DLG2: variants seen among roughly 807,000 people sequenced by gnomAD.
DLG2 encodes the protein discs large MAGUK scaffold protein 2, also known as disks large homolog 2.
Under a neutral mutation model 132.5 loss-of-function variants are expected in DLG2, and 45 were observed. That is an observed-to-expected ratio of 0.34 (90% CI 0.27 to 0.44). The LOEUF is 0.44. Among genes scored for constraint, DLG2 ranks in the 20% least tolerant of loss-of-function variants. DLG2 has a pLI of 1.00. For missense variants in DLG2, 1,045 were observed against 1,196.9 expected (o/e 0.87, Z 1.87); for synonymous variants, 424 against 419.6 (o/e 1.01, Z -0.13).
intron 6 of DLG2, among the ~76,000 whole-genome samples, chr11:84,832,960 G>T (rs2079230372): frequency 6.6e-6 from 1 of 151,542 alleles, no homozygotes; most frequent in Non-Finnish European, 1.5e-5. Flanking sequence ...ACCTAAAGAT[G>T]AAGAACGAGA....
intron 3 of DLG2, among the ~76,000 whole-genome samples, chr11:85,540,011 C>T (rs1308267203): frequency 6.6e-6 from 1 of 152,170 alleles, no homozygotes; most frequent in Non-Finnish European, 1.5e-5. Flanking sequence ...GCTGAGAAGT[C>T]CCTGACCATG....
intron 6 of DLG2, among the ~76,000 whole-genome samples, chr11:84,657,474 C>G (rs1350679705): frequency 3.9e-5 from 6 of 152,122 alleles, no homozygotes; most frequent in African/African-American, 7.2e-5. Flanking sequence ...AGTCCTCAAC[C>G]CTTTTGACAC....
intron 15 of DLG2, among the ~76,000 whole-genome samples, chr11:83,876,423 A>C (rs994457949): frequency 1.3e-5 from 2 of 152,168 alleles, no homozygotes; most frequent in Non-Finnish European, 2.9e-5. Flanking sequence ...ATATCAAATT[A>C]AAATATATTT....
intron 6 of DLG2, among the ~76,000 whole-genome samples, chr11:84,804,659 A>C (rs1377940922): frequency 6.6e-6 from 1 of 152,176 alleles, no homozygotes; most frequent in African/African-American, 2.4e-5. Flanking sequence ...GCCCTAACTA[A>C]AGCCTGTCTT....
chr11:84,176,838 G>A (rs1437820489), intron 8 of DLG2, among the ~76,000 whole-genome samples: 1 of 152,028 alleles, frequency 6.6e-6, no homozygotes, highest in Non-Finnish European at 1.5e-5. Context: ...TCATGCTCAA[G>A]CATAGCTCAC....
intron 21 of DLG2, among the ~76,000 whole-genome samples, chr11:83,484,851 G>T (rs2093402404): frequency 1.3e-5 from 2 of 152,120 alleles, no homozygotes; most frequent in Admixed American, 1.3e-4. Flanking sequence ...ACTGACACAT[G>T]AATATATAAT....
At chr11:84,757,669 T>G (rs2067066506) in intron 6 of DLG2, among the ~76,000 whole-genome samples, 1 of 152,200 alleles carries the variant, frequency 6.6e-6, no homozygotes, top group African/African-American at 2.4e-5. Context: ...TTATCTCATT[T>G]AATCCCTTAC....
At chr11:85,448,795 C>A (rs1306018676) in intron 3 of DLG2, among the ~76,000 whole-genome samples, 1 of 152,140 alleles carries the variant, frequency 6.6e-6, no homozygotes, top group Admixed American at 6.5e-5. Flanking sequence ...ATTGCCACAT[C>A]CACATCTAAA....
chr11:83,526,464 A>T (rs2140831328), intron 21 of DLG2, among the ~76,000 whole-genome samples: 1 of 152,240 alleles, frequency 6.6e-6, no homozygotes, highest in Middle Eastern at 3.4e-3. Context: ...AGTATGTTTA[A>T]GGTAGACATC....
At chr11:85,387,445 C>G (rs1200329122) in intron 3 of DLG2, among the ~76,000 whole-genome samples, 3 of 152,136 alleles carry the variant, frequency 2.0e-5, no homozygotes, top group African/African-American at 7.2e-5. Context: ...TAAATACAAG[C>G]CTTACTAGTG....
chr11:85,536,699 A>G (rs1385516379), intron 3 of DLG2, among the ~76,000 whole-genome samples: 1 of 152,210 alleles, frequency 6.6e-6, no homozygotes, highest in Non-Finnish European at 1.5e-5. Flanking sequence ...CAGGCTTGGC[A>G]AGCCCCGCAC....
At chr11:84,959,220 T>C (rs1374283739) in intron 6 of DLG2, among the ~76,000 whole-genome samples, 1 of 152,196 alleles carries the variant, frequency 6.6e-6, no homozygotes, top group African/African-American at 2.4e-5. Context: ...TCACACGGAA[T>C]CTTAATGGTG....
chr11:84,741,313 C>G (rs952035774), intron 6 of DLG2, among the ~76,000 whole-genome samples: 1 of 152,010 alleles, frequency 6.6e-6, no homozygotes, highest in Non-Finnish European at 1.5e-5. Flanking sequence ...CTCGGCCTCC[C>G]AAAGTGCTGG....
intron 7 of DLG2, chr11:84,273,300 G>A (rs770302598): frequency 1.4e-4 from 46 of 333,214 alleles, no homozygotes; most frequent in South Asian, 4.7e-4. Context: ...GAACCCAGTT[G>A]AAGAGGAAAA....
At chr11:85,404,100 T>C (rs2088480747) in intron 3 of DLG2, among the ~76,000 whole-genome samples, 1 of 152,022 alleles carries the variant, frequency 6.6e-6, no homozygotes, top group African/African-American at 2.4e-5. Context: ...AGAGTAGCTC[T>C]GGAGACCCTA....
intron 6 of DLG2, among the ~76,000 whole-genome samples, chr11:84,723,570 T>C (rs1474859377): frequency 6.6e-6 from 1 of 152,148 alleles, no homozygotes; most frequent in Non-Finnish European, 1.5e-5. Flanking sequence ...TCCATGACAA[T>C]GCATTCCATA....
intron 6 of DLG2, among the ~76,000 whole-genome samples, chr11:84,669,316 G>A (rs1346929201): frequency 6.6e-6 from 1 of 152,120 alleles, no homozygotes; most frequent in East Asian, 1.9e-4. Flanking sequence ...AAGGATGGAA[G>A]TGTCCAGATA....
intron 2 of DLG2, among the ~76,000 whole-genome samples, chr11:85,623,592 C>T (rs1243289178): frequency 3.3e-5 from 5 of 152,098 alleles, no homozygotes; most frequent in South Asian, 2.1e-4. Context: ...CGTGAGCCAC[C>T]GCGCCTGGCA....
intron 4 of DLG2, among the ~76,000 whole-genome samples, chr11:85,217,250 C>G (rs144086892): frequency 7.5e-4 from 114 of 151,652 alleles, no homozygotes; most frequent in African/African-American, 2.7e-3. Context: ...CCACTCAATC[C>G]TTTAAAGGTC....
Sources: allele counts gnomAD v4.1 joint callset (sites outside exome capture counted in the v4.1 genomes callset), GRCh38; gene constraint gnomAD v4.1.1; transcripts MANE v1.5; gene names NCBI Gene and HGNC (gene_info 2026-07-23, HGNC 2026-07-21).